Variants in NMNAT2 observed in about 807,000 individuals in gnomAD.
The protein encoded by NMNAT2 is nicotinamide nucleotide adenylyltransferase 2, also known as nicotinamide/nicotinic acid mononucleotide adenylyltransferase 2.
In NMNAT2, 11 loss-of-function variants were observed where a neutral mutation model predicts 41.6. The observed-to-expected ratio is 0.26, with a 90% CI of 0.17 to 0.44. The LOEUF (loss-of-function observed/expected upper bound fraction) is 0.44. Among genes scored for constraint, NMNAT2 ranks in the 20% least tolerant of loss-of-function variants. The pLI is 1.00. For missense variants in NMNAT2, 288 were observed against 407.7 expected (o/e 0.71, Z 2.53); for synonymous variants, 148 against 151.2 (o/e 0.98, Z 0.16).
At chr1:183,310,912 G>A (rs774351907) in intron 1 of NMNAT2, among the ~76,000 whole-genome samples, 4 of 151,402 alleles carry the variant, frequency 2.6e-5, no homozygotes, top group Admixed American at 6.6e-5. Flanking sequence ...TTTAGCACAA[G>A]AGACTGTTAT....
intron 7 of NMNAT2, among the ~76,000 whole-genome samples, chr1:183,280,786 T>A (rs1661246176): frequency 7.3e-6 from 1 of 136,796 alleles, no homozygotes; most frequent in Non-Finnish European, 1.6e-5. Flanking sequence ...TTTTTTTTTT[T>A]TTTTTTTTTT....
At chr1:183,302,671 T>C (rs965461775) in intron 1 of NMNAT2, among the ~76,000 whole-genome samples, 64 of 152,100 alleles carry the variant, frequency 4.2e-4, no homozygotes, top group African/African-American at 1.5e-3. Flanking sequence ...CCTGCCCTAA[T>C]CTCCCCAGGG....
At chr1:183,348,848 T>G (rs916043405) in intron 1 of NMNAT2, among the ~76,000 whole-genome samples, 1 of 152,230 alleles carries the variant, frequency 6.6e-6, no homozygotes, top group Non-Finnish European at 1.5e-5. Context: ...ATAACTTCCC[T>G]GAAATGACAT....
chr1:183,292,549 T>C (rs1217070864), intron 3 of NMNAT2, among the ~76,000 whole-genome samples: 7 of 152,248 alleles, frequency 4.6e-5, no homozygotes, highest in Admixed American at 4.6e-4. Flanking sequence ...GATTCAGAGA[T>C]GTCAAAGCAG....
chr1:183,357,422 G>A (rs1663219318), intron 1 of NMNAT2, among the ~76,000 whole-genome samples: 1 of 151,454 alleles, frequency 6.6e-6, no homozygotes, highest in Admixed American at 6.6e-5. Context: ...ATAGAGATGG[G>A]GTTTCACCGT....
intron 6 of NMNAT2, 107 bp downstream of exon 6, chr1:183,284,603 G>A (rs1661352688): frequency 1.1e-6 from 1 of 935,906 alleles, no homozygotes; most frequent in South Asian, 1.3e-5. Context: ...ACACAATCAC[G>A]GGAATTTGCG....
chr1:183,371,568 AG>A lies in NMNAT2; in HGVS notation c.85+46614del, dbSNP rs992949223. ...AAGGCTGTGCATGTGTGAAGGGGGG[AG>A]TCTGTGGGAAATCTCTGTGCCTTCT... On this transcript the variant is annotated intron_variant, in intron 1 of 10. Coordinates refer to ENST00000287713, the MANE Select transcript of NMNAT2 (RefSeq NM_015039.4). Among the ~76,000 whole-genome samples, 13 of 151,730 alleles carry A rather than the reference AG, an allele frequency of 8.6e-5. No individual in the cohort carries two copies. The East Asian group carries it at 1.7e-3, about 20-fold the overall frequency.
chr1:183,336,306 A>C lies in NMNAT2; in HGVS notation c.86-42513T>G, dbSNP rs1662676682. On this transcript the variant is annotated intron_variant, in intron 1 of 10. Coordinates refer to ENST00000287713, the MANE Select transcript of NMNAT2 (RefSeq NM_015039.4). ...AAAAGAAGATATATATAAGTGGCCA[A>C]TAACCACATGACAAAGTACTCAGTG... 2.0e-5 allele frequency among the ~76,000 whole-genome samples: 3 copies of C among 152,254 alleles called. No individual in the cohort carries two copies. The South Asian group carries it at 6.2e-4, about 31-fold the overall frequency.
chr1:183,356,399 A>C (rs193250454), intron 1 of NMNAT2, among the ~76,000 whole-genome samples: 2 of 152,200 alleles, frequency 1.3e-5, no homozygotes, highest in African/African-American at 4.8e-5. Context: ...ATTGGATCCC[A>C]AAAGCTTTCC....
At chr1:183,307,661 T>C (rs1309845635) in intron 1 of NMNAT2, among the ~76,000 whole-genome samples, 1 of 152,198 alleles carries the variant, frequency 6.6e-6, no homozygotes, top group Non-Finnish European at 1.5e-5. Context: ...TAGGCTGGTC[T>C]TGAACTCCTG....
chr1:183,392,162 C>T (rs1648501373), intron 1 of NMNAT2, among the ~76,000 whole-genome samples: 1 of 152,194 alleles, frequency 6.6e-6, no homozygotes, highest in African/African-American at 2.4e-5. Flanking sequence ...TCAGAAGCAA[C>T]ATGTCCAAGA....
At chr1:183,347,013 C>G (rs140220550) in intron 1 of NMNAT2, among the ~76,000 whole-genome samples, 214 of 152,320 alleles carry the variant, frequency 1.4e-3, no homozygotes, top group Non-Finnish European at 2.3e-3. Context: ...CCTTGACCTT[C>G]TGGGTGGGAA....
chr1:183,253,670 G>T (rs987138696), intron 10 of NMNAT2, among the ~76,000 whole-genome samples: 2 of 151,600 alleles, frequency 1.3e-5, no homozygotes, highest in African/African-American at 4.9e-5. Flanking sequence ...CTACATATTT[G>T]CTGCTTTGTA....
chr1:183,276,711 C>T (rs182943998), intron 8 of NMNAT2, among the ~76,000 whole-genome samples: 6 of 152,364 alleles, frequency 3.9e-5, no homozygotes, highest in Admixed American at 6.5e-5. Flanking sequence ...ATGGGGCCTC[C>T]GGCAATTGCC....
intron 8 of NMNAT2, among the ~76,000 whole-genome samples, chr1:183,270,494 G>A (rs1660956301): frequency 6.6e-6 from 1 of 151,840 alleles, no homozygotes; most frequent in Admixed American, 6.6e-5. Flanking sequence ...TCAGAGTCCA[G>A]CAGGTGGAAA....
At chr1:183,273,158 T>C (rs992062008) in intron 8 of NMNAT2, among the ~76,000 whole-genome samples, 9 of 152,382 alleles carry the variant, frequency 5.9e-5, no homozygotes, top group African/African-American at 1.9e-4. Context: ...TTCCATTTTC[T>C]GTACATCACC....
chr1:183,267,710 C>G lies in NMNAT2; in HGVS notation c.652-6407G>C, dbSNP rs550498437. On this transcript the variant is annotated intron_variant, in intron 8 of 10. Coordinates refer to ENST00000287713, the MANE Select transcript of NMNAT2 (RefSeq NM_015039.4). ...CAGGAGTGTGCCCAGGCCTCTGGAA[C>G]TGAACTATTTTTCTGCTCGAGGGGA... is the stretch of plus-strand genomic sequence containing the variant. Among the ~76,000 whole-genome samples the G allele has an allele frequency of 4.3e-4, 65 of 152,252 alleles. 1 individual carries two copies. The highest frequency in any genetic ancestry group is 1.3e-3 in the African/African-American group (53 of 41,550).
rs553298344 is a variant in NMNAT2, at chr1:183,301,756, A to T, written c.86-7963T>A. 4.6e-5 allele frequency among the ~76,000 whole-genome samples: 7 copies of T among 152,358 alleles called. No homozygotes were observed. The South Asian group carries it at 1.4e-3, about 32-fold the overall frequency. ...CAGACACAATATGAGTGATTTACCC[A>T]TTAATAAAAATTCATGAGACACACA... On this transcript the variant is annotated intron_variant, in intron 1 of 10. Transcript: ENST00000287713.
At chr1:183,347,222 G>C (rs1662949722) in intron 1 of NMNAT2, among the ~76,000 whole-genome samples, 4 of 152,116 alleles carry the variant, frequency 2.6e-5, no homozygotes, top group African/African-American at 9.7e-5. Context: ...TGGAGGCCGA[G>C]GCTAGAGGAT....
Sources: allele counts gnomAD v4.1 joint callset (sites outside exome capture counted in the v4.1 genomes callset), GRCh38; gene constraint gnomAD v4.1.1; transcripts MANE v1.5; gene names NCBI Gene and HGNC (gene_info 2026-07-23, HGNC 2026-07-21).